The following S100A16 variants were observed in gnomAD, a reference collection of about 807,000 sequenced individuals.
S100A16 encodes the protein protein S100-A16.
A neutral mutation model predicts 9.0 loss-of-function variants in S100A16; 8 were observed. The observed-to-expected ratio is 0.89, with a 90% confidence interval of 0.52 to 1.60. S100A16 has a LOEUF of 1.60. Among genes scored for constraint, S100A16 ranks in the 40% most tolerant of loss-of-function variants. S100A16 has a pLI of 0.00. For synonymous variants in S100A16, 51 were observed against 51.4 expected (o/e 0.99, Z 0.04); for missense variants, 138 against 132.4 (o/e 1.04, Z -0.21).
At chr1:153,607,886 C>G (rs1666732285) in intron 2 of S100A16, 113 bp downstream of exon 2, 3 of 1,243,316 alleles carry the variant, frequency 2.4e-6, no homozygotes, top group South Asian at 2.7e-5. Flanking sequence ...CTGGAGTTAG[C>G]GGGGACACTG....
At position 153,613,082 on chromosome 1, in the gene S100A16, C is replaced by G. The variant is rs1040069908; in HGVS notation, c.-157G>C. ...ACTCCCAGAATCTGTCCCACTCCCT[C>G]CCAGCCCTGCCCGCTGAGCTGGCTC... On this transcript the variant is annotated 5_prime_UTR_variant, in exon 1 of 3. Coordinates refer to ENST00000368706, the MANE Select transcript of S100A16 (RefSeq NM_080388.3). 1 of 152,470 alleles carries G rather than the reference C, an allele frequency of 6.6e-6. No individual in the cohort carries two copies. Among genetic ancestry groups the G allele is most frequent in the African/African-American group, 2.4e-5 (1 of 41,454 alleles). 9.4% of individuals were successfully genotyped at this position (152,470 alleles called of 1,614,324 possible).
chr1:153,607,322 G>GT lies in S100A16; in HGVS notation c.*211_*212insA, dbSNP rs1666712339. The GT allele has an allele frequency of 1.6e-6, 1 of 630,568 alleles. No individual in the cohort carries two copies. Among genetic ancestry groups the GT allele is most frequent in the Non-Finnish European group, 2.7e-6 (1 of 366,588 alleles). The allele number at this position is 630,568 out of a possible 1,614,324, so 39.1% of individuals were successfully genotyped here. On this transcript the variant is annotated 3_prime_UTR_variant, in exon 3 of 3. Transcript: ENST00000368706. Reference sequence around the variant, plus strand: ...TCTCACAGAGGGGCCCCAAGGGCCTGCGACTCCAGGAGCTGAGACCCCCCA... The same window carrying GT: ...TCTCACAGAGGGGCCCCAAGGGCCTGTCGACTCCAGGAGCTGAGACCCCCCA...
chr1:153,607,259 G>A lies in S100A16; in HGVS notation c.*275C>T, dbSNP rs768815232. On this transcript the variant is annotated 3_prime_UTR_variant, in exon 3 of 3. Transcript: ENST00000368706. The stretch of plus-strand genomic sequence containing the variant: ...TTGGAAGGTTAGATGAGACTGAACA[G>A]GTGAGAAAACTCTTAGGGTCCCCAG... The A allele has an allele frequency of 3.7e-4, 198 of 541,536 alleles. No homozygotes were observed. Among genetic ancestry groups the A allele is most frequent in the Non-Finnish European group, 4.7e-5 (14 of 300,326 alleles). 33.5% of individuals were successfully genotyped at this position (541,536 alleles called of 1,614,324 possible).
rs1239805466 is a variant in S100A16 at position 153,608,074 on chromosome 1, G to A, written c.78C>T (p.Tyr26=). 6 of 1,614,066 alleles carry A rather than the reference G, an allele frequency of 3.7e-6. No homozygotes were observed. The highest frequency in any genetic ancestry group is 5.1e-6 in the Non-Finnish European group (6 of 1,179,952). Residue 26 remains tyrosine (Y), a synonymous_variant, in exon 2 of 3, where the codon TAC becomes TAT. Coordinates refer to ENST00000368706, the MANE Select transcript of S100A16 (RefSeq NM_080388.3). ...TGCTGATCTTGTTCTTGACCAGGCTGTACTTAGACACATATTTGTAGAAGT... is the reference window on the plus strand; with the variant it reads ...TGCTGATCTTGTTCTTGACCAGGCTATACTTAGACACATATTTGTAGAAGT... ...VENFYKYVSK[Y]SLVKNKISKS...
rs756583606 is a variant in S100A16 at position 153,607,487 on chromosome 1, G to C, written c.*47C>G. 3 of 1,611,162 alleles carry C rather than the reference G, an allele frequency of 1.9e-6. No individual in the cohort carries two copies. In the Admixed American group the frequency reaches 5.0e-5, roughly 27 times the overall value. On this transcript the variant is annotated 3_prime_UTR_variant, in exon 3 of 3. Coordinates refer to ENST00000368706, the MANE Select transcript of S100A16 (RefSeq NM_080388.3). ...AGGAGGGAGCCTGGGGAGAGCACCA[G>C]GGCGGGGCATCAGGCCAGTGCCTGG...
At chr1:153,607,843 TGAG>T in intron 2 of S100A16, 151 bp from the exon 3 acceptor site, 1 of 1,219,650 alleles carries the variant, frequency 8.2e-7, no homozygotes, top group Non-Finnish European at 1.2e-6. Context: ...CTAAGCATCC[TGAG>T]AAGACAGAGG....
chr1:153,608,982 C>CA, intron 1 of S100A16: 2 of 985,794 alleles, frequency 2.0e-6, no homozygotes, highest in Non-Finnish European at 2.4e-6. Context: ...GCACATGCGT[C>CA]ACCCTCTCAC....
chr1:153,607,872 G>T, intron 2 of S100A16, 127 bp downstream of exon 2: 2 of 1,192,210 alleles, frequency 1.7e-6, no homozygotes, highest in South Asian at 2.8e-5. Flanking sequence ...GGGTGTAGAA[G>T]ACCCTGGAGT....
At chr1:153,610,425 C>G (rs922085660) in intron 1 of S100A16, among the ~76,000 whole-genome samples, 1 of 152,224 alleles carries the variant, frequency 6.6e-6, no homozygotes, top group African/African-American at 2.4e-5. Context: ...TCTCCCACCA[C>G]CTGCCTCCTT....
At chr1:153,607,751 A>C in intron 2 of S100A16, 59 bp from the exon 3 acceptor site, 1 of 1,599,412 alleles carries the variant, frequency 6.3e-7, no homozygotes, top group Non-Finnish European at 8.6e-7. Flanking sequence ...GACTCCAGGC[A>C]GGACCCTAGG....
Position 153,607,486 on chromosome 1 carries a change from A to C in S100A16, c.*48T>G. ...GAGGAGGGAGCCTGGGGAGAGCACC[A>C]GGGCGGGGCATCAGGCCAGTGCCTG... On this transcript the variant is annotated 3_prime_UTR_variant, in exon 3 of 3. Coordinates refer to ENST00000368706, the MANE Select transcript of S100A16 (RefSeq NM_080388.3). 1 of 1,610,552 alleles carries C rather than the reference A, an allele frequency of 6.2e-7. No homozygotes were observed. The highest frequency in any genetic ancestry group is 8.5e-7 in the Non-Finnish European group (1 of 1,177,810).
chr1:153,611,929 A>G (rs1379611274), intron 1 of S100A16, among the ~76,000 whole-genome samples: 1 of 150,966 alleles, frequency 6.6e-6, no homozygotes, highest in Non-Finnish European at 1.5e-5. Flanking sequence ...ACACACACAC[A>G]CACACACACA....
At chr1:153,610,058 C>T (rs1446149744) in intron 1 of S100A16, among the ~76,000 whole-genome samples, 1 of 152,212 alleles carries the variant, frequency 6.6e-6, no homozygotes, top group Non-Finnish European at 1.5e-5. Context: ...GGTTCCCTGT[C>T]TATACCGCTG....
rs779058310 is a variant in S100A16 at position 153,607,500 on chromosome 1, G to A, written c.*34C>T. On this transcript the variant is annotated 3_prime_UTR_variant, in exon 3 of 3. Transcript: ENST00000368706. ...GGGAGAGCACCAGGGCGGGGCATCA[G>A]GCCAGTGCCTGGAAGGTGTGGCCAA... is the stretch of plus-strand genomic sequence containing the variant. The A allele has an allele frequency of 2.5e-6, 4 of 1,613,340 alleles. No homozygotes were observed. The highest frequency in any genetic ancestry group is 3.4e-6 in the Non-Finnish European group (4 of 1,179,756).
At position 153,607,667 on chromosome 1, in the gene S100A16, TC is replaced by T; in HGVS notation, c.178del (p.Asp60IlefsTer23). ...GGCATCCAGGTTCTGGATGAGCTTATCCGCAGCCTTCCGGTTCCCTGTGTCC... is the reference window on the plus strand; with the variant it reads ...GGCATCCAGGTTCTGGATGAGCTTATCGCAGCCTTCCGGTTCCCTGTGTCC... ...LSDTGNRKAA[D>X]KLIQNLDANH... On this transcript the variant is annotated frameshift_variant, in exon 3 of 3. Coordinates refer to ENST00000368706, the MANE Select transcript of S100A16 (RefSeq NM_080388.3). LOFTEE classifies it high-confidence loss of function. 6.2e-7 allele frequency: 1 copy of T among 1,614,168 alleles called. No individual in the cohort carries two copies. The highest frequency in any genetic ancestry group is 8.5e-7 in the Non-Finnish European group (1 of 1,180,020).
chr1:153,608,602 AG>A (rs1396888580), intron 1 of S100A16, among the ~76,000 whole-genome samples: 5 of 151,496 alleles, frequency 3.3e-5, no homozygotes, highest in African/African-American at 1.2e-4. Context: ...CATGGAGGTT[AG>A]GGGCAGAGGC....
chr1:153,608,976 A>T, intron 1 of S100A16: 1 of 985,802 alleles, frequency 1.0e-6, no homozygotes, highest in Non-Finnish European at 1.2e-6. Flanking sequence ...CAGAGGGCAC[A>T]TGCGTCACCC....
intron 1 of S100A16, among the ~76,000 whole-genome samples, chr1:153,611,502 T>A (rs927603612): frequency 6.6e-6 from 1 of 152,048 alleles, no homozygotes; most frequent in Admixed American, 6.6e-5. Context: ...GTCCCTTCCA[T>A]CTACCTGGAA....
chr1:153,609,100 A>C lies in S100A16; in HGVS notation c.-26-923T>G, dbSNP rs1241394326. 1.8e-5 allele frequency: 18 copies of C among 983,164 alleles called. No homozygotes were observed. In the African/African-American group the frequency reaches 2.3e-4, roughly 13 times the overall value. The allele number at this position is 983,164 out of a possible 1,614,324, so 60.9% of individuals were successfully genotyped here. A position where few individuals can be genotyped will look rare whatever the true frequency, so the allele number is the denominator to read the frequency against. On this transcript the variant is annotated intron_variant, in intron 1 of 2. Coordinates refer to ENST00000368706, the MANE Select transcript of S100A16 (RefSeq NM_080388.3). ...CTGTGAGTCACGGCCCATGCCCAAA[A>C]CCCCCCCACATCAACCCCAGGCAAA...
Sources: gnomAD v4.1 joint callset for allele counts (sites outside exome capture counted in the v4.1 genomes callset) on GRCh38, gnomAD v4.1.1 for gene constraint, MANE v1.5 for transcripts, NCBI Gene and HGNC (gene_info 2026-07-23, HGNC 2026-07-21) for gene names.